Variants in ROBO1 observed in about 807,000 individuals in gnomAD.
The protein encoded by ROBO1 is roundabout guidance receptor 1.
ROBO1 carries 149 observed loss-of-function variants against 195.9 expected under a neutral mutation model. The ratio of observed to expected loss-of-function variants is 0.76; its 90% CI spans 0.67 to 0.87. The LOEUF is 0.87. ROBO1 is among the 40% of genes least tolerant of loss of function. The probability of loss-of-function intolerance (pLI) is 0.00; values close to 1 mark genes in which losing one functional copy is unlikely to be tolerated. For synonymous variants in ROBO1, 816 were observed against 733.2 expected (o/e 1.11, Z -1.82); for missense variants, 1,933 against 2,068.3 (o/e 0.93, Z 1.27).
chr3:79,545,471 T>A (rs766435801), intron 2 of ROBO1, among the ~76,000 whole-genome samples: 6 of 152,196 alleles, frequency 3.9e-5, no homozygotes, highest in Non-Finnish European at 7.4e-5. Flanking sequence ...ACACAGTGGC[T>A]TGAATCCCAA....
At chr3:78,716,496 C>A (rs1422190679) in intron 7 of ROBO1, among the ~76,000 whole-genome samples, 4 of 152,150 alleles carry the variant, frequency 2.6e-5, no homozygotes, top group Non-Finnish European at 1.5e-5. Context: ...ATGATTCAAT[C>A]ATCTCCAACT....
intron 4 of ROBO1, among the ~76,000 whole-genome samples, chr3:78,835,456 A>G (rs1339635697): frequency 6.6e-6 from 1 of 152,168 alleles, no homozygotes; most frequent in East Asian, 1.9e-4. Context: ...AAGCAACATT[A>G]TTAATGTCTC....
At chr3:79,481,765 T>A (rs1938873335) in intron 2 of ROBO1, among the ~76,000 whole-genome samples, 1 of 152,212 alleles carries the variant, frequency 6.6e-6, no homozygotes, top group African/African-American at 2.4e-5. Context: ...TTAGAGAAGC[T>A]GAACATAGTT....
intron 2 of ROBO1, among the ~76,000 whole-genome samples, chr3:79,445,662 A>AT (rs375526795): frequency 0.12 from 16,607 of 134,046 alleles, 1,042 homozygotes; most frequent in Middle Eastern, 0.15. Flanking sequence ...AGGCCTGGCA[A>AT]TTTTTTTTTT....
intron 2 of ROBO1, among the ~76,000 whole-genome samples, chr3:79,384,653 T>A (rs1213791901): frequency 6.6e-6 from 1 of 152,074 alleles, no homozygotes; most frequent in Non-Finnish European, 1.5e-5. Context: ...AAATGTTTAC[T>A]CGCTTAATCT....
At chr3:79,227,061 T>G (rs943208171) in intron 2 of ROBO1, among the ~76,000 whole-genome samples, 1 of 152,204 alleles carries the variant, frequency 6.6e-6, no homozygotes, top group Non-Finnish European at 1.5e-5. Context: ...TTCTGATCCA[T>G]ACTCTAAAGT....
chr3:78,792,922 G>C (rs2084066719), intron 4 of ROBO1, among the ~76,000 whole-genome samples: 1 of 151,894 alleles, frequency 6.6e-6, no homozygotes, highest in Non-Finnish European at 1.5e-5. Flanking sequence ...CAACAGAGTA[G>C]AACCTCCTCT....
intron 1 of ROBO1, among the ~76,000 whole-genome samples, chr3:79,621,911 G>A (rs2107981014): frequency 6.6e-6 from 1 of 152,128 alleles, no homozygotes; most frequent in Non-Finnish European, 1.5e-5. Context: ...CTGGGGAGCG[G>A]GCCAAGATGG....
chr3:79,457,726 C>A (rs1419378118), intron 2 of ROBO1, among the ~76,000 whole-genome samples: 1 of 152,112 alleles, frequency 6.6e-6, no homozygotes, highest in Admixed American at 6.6e-5. Context: ...TTTCACCTGC[C>A]ACCACGTGAG....
chr3:78,632,432 G>A lies in ROBO1; in HGVS notation c.3482-1127C>T, dbSNP rs547713473. Among the ~76,000 whole-genome samples, 22 of 152,184 alleles carry A rather than the reference G, an allele frequency of 1.4e-4. No homozygotes were observed. The South Asian group carries it at 3.3e-3, about 23-fold the overall frequency. Reference sequence around the variant, plus strand: ...TATGTGTATGTCTCTCACTTCTCTCGTCCACCACTCCGGTGTCCAGCATTG... The same window carrying A: ...TATGTGTATGTCTCTCACTTCTCTCATCCACCACTCCGGTGTCCAGCATTG... On this transcript the variant is annotated intron_variant, in intron 24 of 30. Transcript: ENST00000464233.
intron 8 of ROBO1, chr3:78,693,344 T>A (rs1413103865): frequency 6.5e-7 from 1 of 1,549,036 alleles, no homozygotes; most frequent in East Asian, 2.5e-5. Context: ...AAATGTCAAC[T>A]TACCAGACCC....
chr3:79,561,878 T>G (rs992215954), intron 2 of ROBO1, among the ~76,000 whole-genome samples: 6 of 152,146 alleles, frequency 3.9e-5, no homozygotes, highest in African/African-American at 1.4e-4. Flanking sequence ...ATAAAATGCC[T>G]GAGGTGAGAA....
chr3:79,598,864 G>A (rs1944257446), intron 1 of ROBO1, among the ~76,000 whole-genome samples: 1 of 152,066 alleles, frequency 6.6e-6, no homozygotes, highest in South Asian at 2.1e-4. Flanking sequence ...GGAGAAAACA[G>A]CAGCTAATTC....
At chr3:79,112,913 TA>T (rs1206456459) in intron 3 of ROBO1, among the ~76,000 whole-genome samples, 1 of 150,660 alleles carries the variant, frequency 6.6e-6, no homozygotes, top group Non-Finnish European at 1.5e-5. Context: ...TAAAGTATAA[TA>T]AAAAAATAAG....
chr3:78,789,114 A>G (rs922579897), intron 4 of ROBO1, among the ~76,000 whole-genome samples: 6 of 152,200 alleles, frequency 3.9e-5, no homozygotes, highest in African/African-American at 9.6e-5. Flanking sequence ...TCTATTTCTC[A>G]TAAGTGTAGA....
intron 4 of ROBO1, among the ~76,000 whole-genome samples, chr3:78,751,874 A>T (rs1269888319): frequency 6.6e-6 from 1 of 152,166 alleles, no homozygotes; most frequent in Non-Finnish European, 1.5e-5. Context: ...AATATGGGCA[A>T]TTTAATTAGA....
chr3:79,757,595 C>T (rs965177740), intron 1 of ROBO1, among the ~76,000 whole-genome samples: 3 of 151,900 alleles, frequency 2.0e-5, no homozygotes, highest in Admixed American at 6.6e-5. Flanking sequence ...AGGAAGATCA[C>T]TTGAGCCCCG....
chr3:79,085,270 T>C (rs986556353), intron 3 of ROBO1, among the ~76,000 whole-genome samples: 3 of 152,210 alleles, frequency 2.0e-5, no homozygotes, highest in African/African-American at 4.8e-5. Context: ...TCTTTACTTA[T>C]TTAATTTTAG....
intron 4 of ROBO1, among the ~76,000 whole-genome samples, chr3:78,834,715 T>C (rs2032542832): frequency 6.6e-6 from 1 of 152,138 alleles, no homozygotes; most frequent in South Asian, 2.1e-4. Flanking sequence ...TACTAGGCAC[T>C]GTCTAACCAA....
Sources: gnomAD v4.1 joint callset for allele counts (sites outside exome capture counted in the v4.1 genomes callset) on GRCh38, gnomAD v4.1.1 for gene constraint, MANE v1.5 for transcripts, NCBI Gene and HGNC (gene_info 2026-07-23, HGNC 2026-07-21) for gene names.